ROBO2: variants seen among roughly 807,000 people sequenced by gnomAD.
The protein encoded by ROBO2 is roundabout guidance receptor 2.
In ROBO2, 53 loss-of-function variants were observed where a neutral mutation model predicts 160.8. That is an observed-to-expected ratio of 0.33 (90% CI 0.26 to 0.41). The LOEUF is 0.41. Ranked by LOEUF, ROBO2 falls within the 10% of genes least tolerant of loss-of-function variation. ROBO2 has a pLI of 1.00. For missense variants in ROBO2, 1,577 were observed against 1,722.4 expected (o/e 0.92, Z 1.49); for synonymous variants, 664 against 611.7 (o/e 1.09, Z -1.26).
intron 2 of ROBO2, among the ~76,000 whole-genome samples, chr3:76,960,237 CA>C (rs2079551519): frequency 6.6e-6 from 1 of 151,470 alleles, no homozygotes; most frequent in Non-Finnish European, 1.5e-5. Context: ...TATTTTTAAA[CA>C]TAAACCCCTG....
chr3:76,035,071 T>A (rs565618106), intron 2 of ROBO2, among the ~76,000 whole-genome samples: 54 of 152,186 alleles, frequency 3.5e-4, no homozygotes, highest in Admixed American at 1.1e-3. Context: ...AGTGACTGTT[T>A]TATCCCATGT....
chr3:77,240,850 T>C (rs1396476129), intron 2 of ROBO2, among the ~76,000 whole-genome samples: 1 of 152,218 alleles, frequency 6.6e-6, no homozygotes, highest in Non-Finnish European at 1.5e-5. Flanking sequence ...TTAGGGAAAC[T>C]TGTACAATCT....
chr3:76,504,146 G>A (rs913697884), intron 2 of ROBO2, among the ~76,000 whole-genome samples: 15 of 151,992 alleles, frequency 9.9e-5, no homozygotes, highest in Non-Finnish European at 2.1e-4. Context: ...TGAAAAATAC[G>A]CATAACAAAA....
chr3:76,109,440 G>C (rs2070115299), intron 2 of ROBO2, among the ~76,000 whole-genome samples: 1 of 152,016 alleles, frequency 6.6e-6, no homozygotes, highest in South Asian at 2.1e-4. Context: ...TATGTGGCTT[G>C]TGAGATAAAA....
chr3:76,641,876 T>C (rs2090694081), intron 2 of ROBO2, among the ~76,000 whole-genome samples: 1 of 152,174 alleles, frequency 6.6e-6, no homozygotes, highest in African/African-American at 2.4e-5. Flanking sequence ...CAGCCAGGAC[T>C]GTAGGCATGT....
At chr3:76,942,290 G>T (rs1454606769) in intron 2 of ROBO2, among the ~76,000 whole-genome samples, 1 of 152,146 alleles carries the variant, frequency 6.6e-6, no homozygotes, top group African/African-American at 2.4e-5. Context: ...GGAATGCCTG[G>T]TTTTCATTTG....
chr3:77,480,932 T>G (rs868469208), intron 3 of ROBO2, among the ~76,000 whole-genome samples, 167 bp from the exon 4 acceptor site: 60 of 152,282 alleles, frequency 3.9e-4, no homozygotes, highest in Middle Eastern at 3.4e-3. Context: ...ACATTGAGGG[T>G]GAATTTAAGA....
intron 2 of ROBO2, among the ~76,000 whole-genome samples, chr3:76,184,366 G>A (rs1238329763): frequency 6.6e-6 from 1 of 152,102 alleles, no homozygotes; most frequent in Admixed American, 6.6e-5. Flanking sequence ...AGTATGCAAT[G>A]GCCCTTGAGG....
At chr3:76,039,005 T>G (rs917687183) in intron 2 of ROBO2, among the ~76,000 whole-genome samples, 2 of 151,968 alleles carry the variant, frequency 1.3e-5, no homozygotes, top group Non-Finnish European at 2.9e-5. Flanking sequence ...TTGGTAATGT[T>G]GACAATCTTA....
intron 2 of ROBO2, among the ~76,000 whole-genome samples, chr3:76,740,540 A>G (rs1349028634): frequency 1.3e-5 from 2 of 152,142 alleles, no homozygotes; most frequent in Non-Finnish European, 2.9e-5. Flanking sequence ...CATCTTTAGT[A>G]GGTTTATTTT....
intron 22 of ROBO2, among the ~76,000 whole-genome samples, chr3:77,619,798 C>A (rs1170241510): frequency 6.6e-6 from 1 of 152,146 alleles, no homozygotes; most frequent in East Asian, 1.9e-4. Context: ...TAAGGGCTTA[C>A]AGATTACCTC....
intron 2 of ROBO2, among the ~76,000 whole-genome samples, chr3:76,819,565 G>A (rs1018296178): frequency 6.6e-6 from 1 of 152,054 alleles, no homozygotes; most frequent in Non-Finnish European, 1.5e-5. Context: ...GAAATAGCAT[G>A]GTGGTGATCT....
chr3:77,649,011 G>T (rs1395414386), exon 26 of ROBO2: 1 of 152,100 alleles, frequency 6.6e-6, no homozygotes, highest in Non-Finnish European at 1.5e-5. Context: ...AGCTCTATTG[G>T]TGCCCAAACT....
chr3:77,617,768 A>G (rs372948764), exon 22 of ROBO2: 6 of 1,612,090 alleles, frequency 3.7e-6, no homozygotes, highest in Non-Finnish European at 4.2e-6. Context: ...TAGCAAAACA[A>G]ACATGGTAAA....
intron 2 of ROBO2, among the ~76,000 whole-genome samples, chr3:77,171,902 C>A (rs1254944987): frequency 6.6e-6 from 1 of 152,034 alleles, no homozygotes; most frequent in African/African-American, 2.4e-5. Flanking sequence ...TAAATTAGAC[C>A]ACCTGGAATA....
At chr3:77,533,840 A>G (rs2091917999) in intron 6 of ROBO2, among the ~76,000 whole-genome samples, 1 of 151,944 alleles carries the variant, frequency 6.6e-6, no homozygotes, top group Admixed American at 6.6e-5. Flanking sequence ...CAGGAAGGGC[A>G]AGCCTGAGGT....
At chr3:76,844,677 A>T (rs1166955) in intron 2 of ROBO2, among the ~76,000 whole-genome samples, 2,883 of 151,688 alleles carry the variant, frequency 0.019, 81 homozygotes, top group East Asian at 0.12. Context: ...TAAAAGTTGT[A>T]GTGTCCAGGA....
At chr3:77,160,302 CAG>C (rs2078369422) in intron 2 of ROBO2, among the ~76,000 whole-genome samples, 1 of 151,890 alleles carries the variant, frequency 6.6e-6, no homozygotes, top group African/African-American at 2.4e-5. Context: ...TAAAAGAATT[CAG>C]AGTTTTAAAC....
chr3:77,218,710 T>C (rs2085313996), intron 2 of ROBO2, among the ~76,000 whole-genome samples: 1 of 152,128 alleles, frequency 6.6e-6, no homozygotes, highest in East Asian at 1.9e-4. Flanking sequence ...ATAATTAGGT[T>C]ATCATGTCAC....
Sources: allele counts gnomAD v4.1 joint callset (sites outside exome capture counted in the v4.1 genomes callset), GRCh38; gene constraint gnomAD v4.1.1; transcripts MANE v1.5; gene names NCBI Gene and HGNC (gene_info 2026-07-23, HGNC 2026-07-21).